The following SPOCK3 variants were observed in gnomAD, a reference collection of about 807,000 sequenced individuals.
SPOCK3 encodes the protein SPARC (osteonectin), cwcv and kazal like domains proteoglycan 3.
In SPOCK3, 30 loss-of-function variants were observed where a neutral mutation model predicts 56.6. That is an observed-to-expected ratio of 0.53 (90% CI 0.40 to 0.72). The LOEUF is 0.72. Ranked by LOEUF, SPOCK3 falls within the 30% of genes least tolerant of loss-of-function variation. The pLI, the probability that SPOCK3 is intolerant of heterozygous loss-of-function variation, is 0.00. For missense variants in SPOCK3, 527 were observed against 530.0 expected (o/e 0.99, Z 0.06); for synonymous variants, 196 against 183.3 (o/e 1.07, Z -0.56).
chr4:166,827,575 A>G (rs2126783199), intron 6 of SPOCK3, among the ~76,000 whole-genome samples: 1 of 152,226 alleles, frequency 6.6e-6, no homozygotes, highest in South Asian at 2.1e-4. Context: ...TTCCCATGGG[A>G]AAAATAAATG....
chr4:167,142,461 C>G (rs2150401086), intron 2 of SPOCK3, among the ~76,000 whole-genome samples: 1 of 151,862 alleles, frequency 6.6e-6, no homozygotes, highest in African/African-American at 2.4e-5. Context: ...AAAAATCCAT[C>G]AATATAAATA....
intron 2 of SPOCK3, among the ~76,000 whole-genome samples, chr4:167,136,923 T>C (rs532251728): frequency 6.6e-6 from 1 of 152,106 alleles, no homozygotes; most frequent in Non-Finnish European, 1.5e-5. Flanking sequence ...CAGTAGTTGT[T>C]TGACGAAAGA....
intron 8 of SPOCK3, 75 bp from the exon 9 acceptor site, chr4:166,742,134 T>G: frequency 9.0e-7 from 1 of 1,105,366 alleles, no homozygotes; most frequent in Admixed American, 1.9e-5. Context: ...GTTATCAAAC[T>G]TCACTTAGTC....
chr4:166,738,567 C>G (rs1579073354), intron 9 of SPOCK3, among the ~76,000 whole-genome samples: 1 of 149,816 alleles, frequency 6.7e-6, no homozygotes, highest in South Asian at 2.1e-4. Context: ...GTGCTGCACC[C>G]ATTAACTCGT....
intron 2 of SPOCK3, among the ~76,000 whole-genome samples, chr4:167,141,898 CAA>C (rs1187818796): frequency 6.6e-6 from 1 of 151,804 alleles, no homozygotes; most frequent in Non-Finnish European, 1.5e-5. Flanking sequence ...GTAATTAGAA[CAA>C]AGAAAAAATC....
chr4:166,875,986 G>GCCAA (rs1733039876), intron 6 of SPOCK3, among the ~76,000 whole-genome samples: 1 of 151,900 alleles, frequency 6.6e-6, no homozygotes, highest in Non-Finnish European at 1.5e-5. Flanking sequence ...AGCAACAGGA[G>GCCAA]CCCAGTGGAA....
intron 2 of SPOCK3, among the ~76,000 whole-genome samples, chr4:167,094,073 T>C (rs907107326): frequency 1.3e-5 from 2 of 152,104 alleles, no homozygotes; most frequent in African/African-American, 4.8e-5. Context: ...TTTTGGTAAA[T>C]ATAAAATAGA....
intron 4 of SPOCK3, among the ~76,000 whole-genome samples, chr4:166,937,690 G>A (rs1740577502): frequency 6.7e-6 from 1 of 149,688 alleles, no homozygotes; most frequent in African/African-American, 2.4e-5. Flanking sequence ...TGATTATTAG[G>A]TAAAGATGTT....
Position 167,004,280 on chromosome 4 carries a change from T to C in SPOCK3, c.236-3817A>G, listed in dbSNP as rs115431620. 7.8e-3 allele frequency among the ~76,000 whole-genome samples: 1,190 copies of C among 152,140 alleles called. 13 individuals carry two copies. Among genetic ancestry groups the C allele is most frequent in the African/African-American group, 0.027 (1,120 of 41,508 alleles). ...ACCTTAGGTAAGTTTTACAAGAATA[T>C]AGGACCCACCAAGTGCACAAAATGA... On this transcript the variant is annotated intron_variant, in intron 3 of 10. Transcript: ENST00000357545.
At chr4:167,191,964 A>AT (rs1327546644) in intron 2 of SPOCK3, among the ~76,000 whole-genome samples, 1 of 144,638 alleles carries the variant, frequency 6.9e-6, no homozygotes, top group Non-Finnish European at 1.5e-5. Flanking sequence ...TCTTTACCTA[A>AT]TTTTTTTGCG....
chr4:166,766,963 AGTTT>A (rs536265290), intron 7 of SPOCK3, among the ~76,000 whole-genome samples: 5,935 of 152,160 alleles, frequency 0.039, 388 homozygotes, highest in African/African-American at 0.13. Context: ...TAGATTTTCT[AGTTT>A]ATTTGTGTAG....
chr4:166,923,243 G>T (rs1738702296), intron 4 of SPOCK3, among the ~76,000 whole-genome samples: 1 of 152,100 alleles, frequency 6.6e-6, no homozygotes, highest in Non-Finnish European at 1.5e-5. Context: ...CTCTTATAAG[G>T]ATACATGTGA....
chr4:166,829,839 C>T (rs1291027427), intron 6 of SPOCK3, among the ~76,000 whole-genome samples: 1 of 151,846 alleles, frequency 6.6e-6, no homozygotes, highest in Non-Finnish European at 1.5e-5. Flanking sequence ...TACTTATCTC[C>T]CAAGGCACAC....
At chr4:166,876,936 T>C (rs909751749) in intron 6 of SPOCK3, among the ~76,000 whole-genome samples, 10 of 152,106 alleles carry the variant, frequency 6.6e-5, no homozygotes, top group Non-Finnish European at 1.2e-4. Flanking sequence ...ATAATTTATT[T>C]TCACTATGGG....
chr4:166,871,651 C>T (rs1215475930), intron 6 of SPOCK3, among the ~76,000 whole-genome samples: 1 of 151,760 alleles, frequency 6.6e-6, no homozygotes, highest in African/African-American at 2.4e-5. Context: ...ACAAATTCTG[C>T]ACAAAATCTT....
intron 3 of SPOCK3, among the ~76,000 whole-genome samples, chr4:167,020,945 G>A (rs923440725): frequency 1.3e-5 from 2 of 151,980 alleles, no homozygotes; most frequent in Non-Finnish European, 2.9e-5. Context: ...AGAACTAAAA[G>A]GTGGAAAAAG....
chr4:166,814,382 G>C (rs1744173570), intron 6 of SPOCK3, among the ~76,000 whole-genome samples: 1 of 152,058 alleles, frequency 6.6e-6, no homozygotes, highest in Non-Finnish European at 1.5e-5. Flanking sequence ...TGAGGGTGTT[G>C]CCAGAGGAGT....
chr4:166,772,125 A>G (rs1739008127), intron 7 of SPOCK3, among the ~76,000 whole-genome samples: 1 of 152,094 alleles, frequency 6.6e-6, no homozygotes, highest in Non-Finnish European at 1.5e-5. Context: ...CCACATGAAG[A>G]TAATGCTATA....
At chr4:166,939,126 A>T (rs1319668681) in intron 4 of SPOCK3, among the ~76,000 whole-genome samples, 1 of 152,184 alleles carries the variant, frequency 6.6e-6, no homozygotes, top group East Asian at 1.9e-4. Flanking sequence ...GGTAGAACAT[A>T]GATTCTTTCT....
Sources: gnomAD v4.1 joint callset for allele counts (sites outside exome capture counted in the v4.1 genomes callset) on GRCh38, gnomAD v4.1.1 for gene constraint, MANE v1.5 for transcripts, NCBI Gene and HGNC (gene_info 2026-07-23, HGNC 2026-07-21) for gene names.